The following GPRIN1 variants were observed in gnomAD, a reference collection of about 807,000 sequenced individuals.
GPRIN1 encodes the protein G protein-regulated inducer of neurite outgrowth 1.
A neutral mutation model predicts 2.8 loss-of-function variants in GPRIN1; 4 were observed. The observed-to-expected ratio is 1.45, with a 90% CI of 0.71 to 3.32. GPRIN1 has a LOEUF of 3.32. GPRIN1 is among the 30% of genes most tolerant of loss of function. The pLI is 0.01. For synonymous variants in GPRIN1, 589 were observed against 589.9 expected, an observed-to-expected ratio of 1.00 and a Z score of 0.02; for missense variants, 1,322 against 1,343.4, an observed-to-expected ratio of 0.98 and a Z score of 0.25.
chr5:176,597,516 G>C lies in GPRIN1; in HGVS notation c.2319C>G (p.Ala773=). The C allele has an allele frequency of 6.8e-7, 1 of 1,476,770 alleles. No homozygotes were observed. The highest frequency in any genetic ancestry group is 1.3e-5 in the South Asian group (1 of 79,018). The allele number at this position is 1,476,770 out of a possible 1,614,324, so 91.5% of individuals were successfully genotyped here. A position where few individuals can be genotyped will look rare whatever the true frequency, so the allele number is the denominator to read the frequency against. The change falls in exon 2 of 2, where the codon GCC becomes GCG. Residue 773 remains alanine, a synonymous_variant. Transcript: ENST00000303991. The surrounding 1 kb of genome is among the most constrained non-coding windows in gnomAD (Gnocchi z 6.1). The part of the protein sequence containing the change: ...LGQKDLEAAG[A]ERSPCPEAAA... ...CGGCCTCTGGGCAGGGGCTTCTCTC[G>C]GCCCCAGCGGCTTCCAGGTCTTTCT...
Position 176,597,282 on chromosome 5 carries a change from C to T in GPRIN1, c.2553G>A (p.Pro851=), listed in dbSNP as rs1422973713. The T allele has an allele frequency of 8.1e-7, 1 of 1,235,314 alleles. No individual in the cohort carries two copies. Among genetic ancestry groups the T allele is most frequent in the Non-Finnish European group, 1.0e-6 (1 of 991,408 alleles). The allele number at this position is 1,235,314 out of a possible 1,614,324, so 76.5% of individuals were successfully genotyped here. A position where few individuals can be genotyped will look rare whatever the true frequency, so the allele number is the denominator to read the frequency against. ...SFQAAPRAPS[P]PSRRDAGLQV... ...GCAGGCCCGCATCTCGGCGCGAGGGCGGGCTGGGCGCGCGCGGCGCCGCCT... is the reference window on the plus strand; with the variant it reads ...GCAGGCCCGCATCTCGGCGCGAGGGTGGGCTGGGCGCGCGCGGCGCCGCCT... Residue 851 remains proline (P), a synonymous_variant, in exon 2 of 2, where the codon CCG becomes CCA. Coordinates refer to ENST00000303991, the MANE Select transcript of GPRIN1 (RefSeq NM_052899.3). The surrounding 1 kb of genome is among the most constrained non-coding windows in gnomAD (Gnocchi z 6.1).
chr5:176,598,780 A>G lies in GPRIN1; in HGVS notation c.1055T>C (p.Met352Thr), dbSNP rs1040565212. The G allele has an allele frequency of 6.2e-7, 1 of 1,613,568 alleles. No individual in the cohort carries two copies. The highest frequency in any genetic ancestry group is 1.3e-5 in the African/African-American group (1 of 75,012). ...LGRLDPTCLG[M>T]ADPASVGNVE... ...ATTTCCCACAGATGCGGGATCTGCCATCCCCAAGCATGTGGGATCCAGCCT... is the reference window on the plus strand; with the variant it reads ...ATTTCCCACAGATGCGGGATCTGCCGTCCCCAAGCATGTGGGATCCAGCCT... The change falls in exon 2 of 2, where the codon ATG becomes ACG. Residue 352 changes from methionine to threonine, a missense_variant. By Grantham distance (81) the Met-to-Thr change is moderately conservative. Coordinates refer to ENST00000303991, the MANE Select transcript of GPRIN1 (RefSeq NM_052899.3).
chr5:176,597,093 G>A lies in GPRIN1; in HGVS notation c.2742C>T (p.Ser914=). The A allele has an allele frequency of 6.7e-7, 1 of 1,493,148 alleles. No individual in the cohort carries two copies. Among genetic ancestry groups the A allele is most frequent in the Non-Finnish European group, 8.9e-7 (1 of 1,118,124 alleles). 92.5% of individuals were successfully genotyped at this position (1,493,148 alleles called of 1,614,324 possible). A position where few individuals can be genotyped will look rare whatever the true frequency, so the allele number is the denominator to read the frequency against. ...CCCACGTCATGCCCTTCTCGTCCCA[G>A]CTCACGTCTCGCACGGGCTCAGCCG... is the stretch of plus-strand genomic sequence containing the variant. ...PEPAEPVRDV[S]WDEKGMTWEV... is the part of the protein sequence containing the mutation. The change falls in exon 2 of 2, where the codon AGC becomes AGT. Residue 914 remains serine, a synonymous_variant. Coordinates refer to ENST00000303991, the MANE Select transcript of GPRIN1 (RefSeq NM_052899.3). The surrounding 1 kb of genome is among the most constrained non-coding windows in gnomAD (Gnocchi z 6.1).
chr5:176,604,595 T>C (rs553653677), intron 1 of GPRIN1, among the ~76,000 whole-genome samples: 23 of 152,186 alleles, frequency 1.5e-4, no homozygotes, highest in East Asian at 7.7e-4. Context: ...GTGTCTACAA[T>C]AGGATTATAC....
chr5:176,597,400 G>A lies in GPRIN1; in HGVS notation c.2435C>T (p.Ala812Val), dbSNP rs1216136479. 15 of 1,289,454 alleles carry A rather than the reference G, an allele frequency of 1.2e-5. No homozygotes were observed. In the East Asian group the frequency reaches 3.8e-4, roughly 33 times the overall value. 79.9% of individuals were successfully genotyped at this position (1,289,454 alleles called of 1,614,324 possible). The part of the protein sequence containing the change: ...ASAPPPPRED[A>V]GTQAGAQACV... Reference sequence around the variant, plus strand: ...GGCCTGCGCGCCCGCCTGAGTGCCCGCGTCCTCGCGCGGCGGCGGCGGGGC... The same window carrying A: ...GGCCTGCGCGCCCGCCTGAGTGCCCACGTCCTCGCGCGGCGGCGGCGGGGC... Residue 812 changes from alanine (A) to valine (V), a missense_variant, in exon 2 of 2, where the codon GCG (alanine) becomes GTG (valine). Ala to Val is a moderately conservative substitution (Grantham distance 64). Around this residue, in one of 3 missense-constraint regions of GPRIN1, gnomAD observed 1,117 missense variants for 1,128.6 expected, o/e 0.99. Coordinates refer to ENST00000303991, the MANE Select transcript of GPRIN1 (RefSeq NM_052899.3). This position sits in a 1 kb window ranked among gnomAD's most constrained non-coding sequence, Gnocchi z 6.1.
At position 176,602,904 on chromosome 5, in the gene GPRIN1, G is replaced by A. The variant is rs1227119038; in HGVS notation, c.-43-3027C>T. Among the ~76,000 whole-genome samples, 1 of 152,172 alleles carries A rather than the reference G, an allele frequency of 6.6e-6. No homozygotes were observed. The highest frequency in any genetic ancestry group is 1.5e-5 in the Non-Finnish European group (1 of 68,038). ...ACTGGGATCCCACGCGTGTAGCCAA[G>A]GAAAAGGACACACATGGATGGGTTT... On this transcript the variant is annotated intron_variant, in intron 1 of 1. Transcript: ENST00000303991. The surrounding 1 kb of genome is among the most constrained non-coding windows in gnomAD (Gnocchi z 4.4).
rs967639998 is a variant in GPRIN1 at position 176,601,051 on chromosome 5, T to G, written c.-43-1174A>C. Among the ~76,000 whole-genome samples, 3 of 152,224 alleles carry G rather than the reference T, an allele frequency of 2.0e-5. No individual in the cohort carries two copies. In the East Asian group the frequency reaches 5.8e-4, roughly 29 times the overall value. On this transcript the variant is annotated intron_variant, in intron 1 of 1. Transcript: ENST00000303991. ...TTGCTTAAGTGGGAAATCCAGACTT[T>G]AATGTAAAATATGCTAATTAATTAA...
chr5:176,596,815 G>A lies in GPRIN1; in HGVS notation c.3020C>T (p.Ala1007Val). Residue 1007 changes from alanine (A) to valine (V), a missense_variant, in exon 2 of 2, where the codon GCC (alanine) becomes GTC (valine). Physicochemically the swap from Ala to Val is moderately conservative, Grantham distance 64. This residue lies in a region of GPRIN1 where 196 missense variants were observed against 189.2 expected (regional missense o/e 1.04). Transcript: ENST00000303991. This position sits in a 1 kb window ranked among gnomAD's most constrained non-coding sequence, Gnocchi z 5.2. ...PRCCSRAGPTAE is the reference protein window; with the variant it reads ...PRCCSRAGPTVE ...GTACAAAATGGGGGCAGATCACTCGGCCGTGGGTCCCGCCCGCGAGCAGCA... is the reference window on the plus strand; with the variant it reads ...GTACAAAATGGGGGCAGATCACTCGACCGTGGGTCCCGCCCGCGAGCAGCA... 2 of 1,428,270 alleles carry A rather than the reference G, an allele frequency of 1.4e-6. No individual in the cohort carries two copies. Among genetic ancestry groups the A allele is most frequent in the Non-Finnish European group, 1.8e-6 (2 of 1,089,970 alleles). 88.5% of individuals were successfully genotyped at this position (1,428,270 alleles called of 1,614,324 possible).
chr5:176,602,305 T>A lies in GPRIN1; in HGVS notation c.-43-2428A>T, dbSNP rs1759159663. Reference sequence around the variant, plus strand: ...GCTGGCATTCTCCACCCTCTTATTCTAATCAGTTTTCCTCCATAGTACCTG... The same window carrying A: ...GCTGGCATTCTCCACCCTCTTATTCAAATCAGTTTTCCTCCATAGTACCTG... On this transcript the variant is annotated intron_variant, in intron 1 of 1. Coordinates refer to ENST00000303991, the MANE Select transcript of GPRIN1 (RefSeq NM_052899.3). The surrounding 1 kb of genome is among the most constrained non-coding windows in gnomAD (Gnocchi z 4.4). 6.6e-6 allele frequency among the ~76,000 whole-genome samples: 1 copy of A among 152,230 alleles called. No individual in the cohort carries two copies. Among genetic ancestry groups the A allele is most frequent in the Admixed American group, 6.5e-5 (1 of 15,288 alleles).
chr5:176,608,766 C>T (rs1360900038), intron 1 of GPRIN1, among the ~76,000 whole-genome samples: 3 of 152,188 alleles, frequency 2.0e-5, no homozygotes, highest in Non-Finnish European at 4.4e-5. Context: ...GCCAGCCATT[C>T]CTTTCCCTCT....
In GPRIN1 at chr5:176,599,596, C is replaced by A; in HGVS notation, c.239G>T (p.Gly80Val). 1 of 1,544,218 alleles carries A rather than the reference C, an allele frequency of 6.5e-7. No individual in the cohort carries two copies. The highest frequency in any genetic ancestry group is 2.1e-5 in the Admixed American group (1 of 47,350). The change falls in exon 2 of 2, where the codon GGG becomes GTG. Residue 80 changes from glycine to valine, a missense_variant. Transcript: ENST00000303991. ...TCTGGGGCCGTCAGAGCAGGAGGCC[C>A]CTTCCCCAGCCCCACTGGGGCTTCT... Reference protein sequence around the residue: ...RHRSPSGAGEGASCSDGPRGS... With the variant: ...RHRSPSGAGEVASCSDGPRGS...
At chr5:176,607,030 T>C (rs1759231987) in intron 1 of GPRIN1, among the ~76,000 whole-genome samples, 1 of 152,234 alleles carries the variant, frequency 6.6e-6, no homozygotes, top group Non-Finnish European at 1.5e-5. Flanking sequence ...AAGCCCCAGC[T>C]TAGTCATTGA....
chr5:176,598,356 A>G lies in GPRIN1; in HGVS notation c.1479T>C (p.Gly493=). The G allele has an allele frequency of 6.2e-7, 1 of 1,613,742 alleles. No individual in the cohort carries two copies. Among genetic ancestry groups the G allele is most frequent in the Middle Eastern group, 1.6e-4 (1 of 6,062 alleles). ...TCCCCAAGGACCTGGGATCGCCTGG[A>G]CCTGAAGACACAGGGTTTGTCTTTC... ...SSGKTNPVSS[G]PGDPRSLGTA... is the part of the protein sequence containing the mutation. Residue 493 remains glycine (G), a synonymous_variant, in exon 2 of 2, where the codon GGT becomes GGC. Coordinates refer to ENST00000303991, the MANE Select transcript of GPRIN1 (RefSeq NM_052899.3).
chr5:176,600,187 C>G (rs1759124987), intron 1 of GPRIN1, among the ~76,000 whole-genome samples: 1 of 152,182 alleles, frequency 6.6e-6, no homozygotes, highest in African/African-American at 2.4e-5. Flanking sequence ...ATGGCGCGAT[C>G]TCAGCTCACC....
At position 176,598,058 on chromosome 5, in the gene GPRIN1, C is replaced by G; in HGVS notation, c.1777G>C (p.Val593Leu). 1 of 1,614,046 alleles carries G rather than the reference C, an allele frequency of 6.2e-7. No individual in the cohort carries two copies. Among genetic ancestry groups the G allele is most frequent in the South Asian group, 1.1e-5 (1 of 91,080 alleles). The change falls in exon 2 of 2, where the codon GTG becomes CTG. Residue 593 changes from valine (V) to leucine (L), a missense_variant. This residue lies in a region of GPRIN1 where 1,117 missense variants were observed against 1,128.6 expected (regional missense o/e 0.99). Transcript: ENST00000303991. ...VPVPSGKVDP[V>L]SLGKAEAIPE... ...ATAGCTTCTGCTTTTCCCAGGGACA[C>G]GGGATCCACCTTCCCCGAGGGCACC...
chr5:176,606,184 C>T (rs1759218037), intron 1 of GPRIN1, among the ~76,000 whole-genome samples: 1 of 152,300 alleles, frequency 6.6e-6, no homozygotes, highest in East Asian at 1.9e-4. Context: ...CCTGCTCCCC[C>T]AGGGCTATAG....
Position 176,599,154 on chromosome 5 carries a change from TG to T in GPRIN1, c.680del (p.Thr227LysfsTer12). On this transcript the variant is annotated frameshift_variant, in exon 2 of 2. Transcript: ENST00000303991. LOFTEE classifies it low-confidence loss of function (END_TRUNC). ...VDPLCSSKTY[T>X]VSPRKEDPGS... ...CAGGATCCTCCTTCCTCGGTGACAC[TG>T]TATACGTCTTGCTGGAGCACAAAGG... The T allele has an allele frequency of 6.2e-7, 1 of 1,613,090 alleles. No homozygotes were observed. The highest frequency in any genetic ancestry group is 8.5e-7 in the Non-Finnish European group (1 of 1,179,610).
chr5:176,603,245 G>A (rs138510297), intron 1 of GPRIN1, among the ~76,000 whole-genome samples: 1 of 151,808 alleles, frequency 6.6e-6, no homozygotes, highest in Admixed American at 6.6e-5. Context: ...TACACACACA[G>A]ATACACACTC....
rs926404480 is a variant in GPRIN1 at position 176,604,224 on chromosome 5, C to T, written c.-43-4347G>A. On this transcript the variant is annotated intron_variant, in intron 1 of 1. Coordinates refer to ENST00000303991, the MANE Select transcript of GPRIN1 (RefSeq NM_052899.3). ...CAAAGGAGTGGGCAGCTGGTTTAGA[C>T]ATGTGGTCAAGAAAGGCCCCTCTGA... Among the ~76,000 whole-genome samples, 17 of 152,132 alleles carry T rather than the reference C, an allele frequency of 1.1e-4. 1 individual carries two copies. Among genetic ancestry groups the T allele is most frequent in the African/African-American group, 3.4e-4 (14 of 41,422 alleles).
Sources: gnomAD v4.1 joint callset for allele counts (sites outside exome capture counted in the v4.1 genomes callset) on GRCh38, gnomAD v4.1.1 for gene constraint, gnomAD v4.1.1 regional missense constraint, Gnocchi (gnomAD v3.1) non-coding constraint, MANE v1.5 for transcripts, NCBI Gene and HGNC (gene_info 2026-07-23, HGNC 2026-07-21) for gene names.